The following DNAH2 variants were observed in gnomAD, a reference collection of about 807,000 sequenced individuals.
DNAH2 encodes the protein dynein axonemal heavy chain 2.
In DNAH2, 323 loss-of-function variants were observed where a neutral mutation model predicts 523.5. That is an observed-to-expected ratio of 0.62 (90% CI 0.56 to 0.68). The LOEUF is 0.68. Ranked by LOEUF, DNAH2 falls within the 30% of genes least tolerant of loss-of-function variation. The pLI, the probability that DNAH2 is intolerant of heterozygous loss-of-function variation, is 0.00. For synonymous variants in DNAH2, 2,093 were observed against 2,177.4 expected, an observed-to-expected ratio of 0.96 and a Z score of 1.08; for missense variants, 4,907 against 5,701.5, an observed-to-expected ratio of 0.86 and a Z score of 4.49.
At position 7,798,552 on chromosome 17, in the gene DNAH2, G is replaced by A. The variant is rs553740833; in HGVS notation, c.8399-6G>A. 14 of 1,613,686 alleles carry A rather than the reference G, an allele frequency of 8.7e-6. No individual in the cohort carries two copies. Among genetic ancestry groups the A allele is most frequent in the East Asian group, 2.2e-5 (1 of 44,870 alleles). On this transcript the variant is annotated splice_region_variant and splice_polypyrimidine_tract_variant and intron_variant, in intron 54 of 85. Transcript: ENST00000572933. This position sits in a 1 kb window ranked among gnomAD's most constrained non-coding sequence, Gnocchi z 5.5. The stretch of plus-strand genomic sequence containing the variant: ...TGAGTTTGTCCTCCTTCCCTCCCCC[G>A]GCCAGATATCAAGCGTCTGTATCGC...
rs762273934 is a variant in DNAH2, at chr17:7,759,459, A to G, written c.2486A>G (p.Asp829Gly). 1.2e-4 allele frequency: 201 copies of G among 1,613,812 alleles called. No homozygotes were observed. The highest frequency in any genetic ancestry group is 1.6e-4 in the Non-Finnish European group (194 of 1,179,938). Residue 829 changes from aspartate to glycine, a missense_variant, in exon 16 of 86, where the codon GAC (aspartate) becomes GGC (glycine). Asp to Gly is a moderately conservative substitution (Grantham distance 94). This residue lies in a region of DNAH2 where 2,806 missense variants were observed against 3,190.8 expected (regional missense o/e 0.88). Transcript: ENST00000572933. ...QQWMLYMIRL[D>G]RMMEDALRLN... is the part of the protein sequence containing the mutation. ...TGGATGCTGTACATGATTCGGCTGGACCGCATGATGGAGGATGCCCTGCGC... is the reference window on the plus strand; with the variant it reads ...TGGATGCTGTACATGATTCGGCTGGGCCGCATGATGGAGGATGCCCTGCGC...
At chr17:7,765,609 G>C (rs1390576642) in intron 21 of DNAH2, 44 bp downstream of exon 21, 2 of 1,575,470 alleles carry the variant, frequency 1.3e-6, no homozygotes, top group South Asian at 2.4e-5. Context: ...CCTTTGTTTA[G>C]AGACCCCGCC....
At chr17:7,732,507 G>T (rs368612486) in intron 4 of DNAH2, among the ~76,000 whole-genome samples, 5 of 151,480 alleles carry the variant, frequency 3.3e-5, no homozygotes, top group African/African-American at 1.2e-4. Flanking sequence ...CGAAACAGGT[G>T]AGTCTGATAT....
At position 7,830,288 on chromosome 17, in the gene DNAH2, C is replaced by A. The variant is rs1316847774; in HGVS notation, c.11854-12C>A. On this transcript the variant is annotated splice_polypyrimidine_tract_variant and intron_variant, in intron 77 of 85. Coordinates refer to ENST00000572933, the MANE Select transcript of DNAH2 (RefSeq NM_020877.5). ...TGCATGTCACCCCATCTTTATATTTCATTGTCCCCAGGGCCTAAAGGCCAA... is the reference window on the plus strand; with the variant it reads ...TGCATGTCACCCCATCTTTATATTTAATTGTCCCCAGGGCCTAAAGGCCAA... 1.2e-6 allele frequency: 2 copies of A among 1,609,834 alleles called. No homozygotes were observed. Among genetic ancestry groups the A allele is most frequent in the Admixed American group, 1.7e-5 (1 of 59,720 alleles).
chr17:7,749,140 C>T lies in DNAH2; in HGVS notation c.1904+5998C>T, dbSNP rs1899661805. On this transcript the variant is annotated intron_variant, in intron 12 of 85. Coordinates refer to ENST00000572933, the MANE Select transcript of DNAH2 (RefSeq NM_020877.5). Reference sequence around the variant, plus strand: ...CCTGACCAACATGGAGATACCCTGTCTCTACTAAAAATACAAAATTAGCCG... The same window carrying T: ...CCTGACCAACATGGAGATACCCTGTTTCTACTAAAAATACAAAATTAGCCG... Among the ~76,000 whole-genome samples the T allele has an allele frequency of 2.0e-5, 3 of 150,344 alleles. 1 individual carries two copies. The South Asian group carries it at 6.3e-4, about 32-fold the overall frequency.
Position 7,734,488 on chromosome 17 carries a change from C to T in DNAH2, c.758C>T (p.Thr253Ile). The change falls in exon 7 of 86, where the codon ACC becomes ATC. Residue 253 changes from threonine (T) to isoleucine (I), a missense_variant. By Grantham distance (89) the Thr-to-Ile change is moderately conservative. Coordinates refer to ENST00000572933, the MANE Select transcript of DNAH2 (RefSeq NM_020877.5). The stretch of plus-strand genomic sequence containing the variant: ...CCTGCAGCCTCCATGATCCACTGGA[C>T]CCGGCAGATAAAGGAGATGCTCAGT... ...QRLETSMIHW[T>I]RQIKEMLSAQ... 2 of 1,613,768 alleles carry T rather than the reference C, an allele frequency of 1.2e-6. No homozygotes were observed. The highest frequency in any genetic ancestry group is 8.5e-7 in the Non-Finnish European group (1 of 1,179,964).
In DNAH2 at chr17:7,786,176, C is replaced by G; in HGVS notation, c.6182C>G (p.Pro2061Arg). The change falls in exon 40 of 86, where the codon CCG becomes CGG. Residue 2061 changes from proline (P) to arginine (R), a missense_variant. Around this residue, in one of 3 missense-constraint regions of DNAH2, gnomAD observed 2,806 missense variants for 3,190.8 expected, o/e 0.88. Coordinates refer to ENST00000572933, the MANE Select transcript of DNAH2 (RefSeq NM_020877.5). The surrounding 1 kb of genome is among the most constrained non-coding windows in gnomAD (Gnocchi z 7.5). The stretch of plus-strand genomic sequence containing the variant: ...CGAGACATGGGCCTGCAAAGCACGC[C>G]GTTCACCCTCACCAAGGTTTTCCAG... Reference protein sequence around the residue: ...EIRDMGLQSTPFTLTKVFQLY... With the variant: ...EIRDMGLQSTRFTLTKVFQLY... 6.2e-7 allele frequency: 1 copy of G among 1,613,988 alleles called. No homozygotes were observed. The highest frequency in any genetic ancestry group is 1.3e-5 in the African/African-American group (1 of 74,968).
chr17:7,810,063 T>C (rs1323679132), intron 63 of DNAH2, among the ~76,000 whole-genome samples: 3 of 143,814 alleles, frequency 2.1e-5, no homozygotes, highest in Admixed American at 1.4e-4. Flanking sequence ...TCTTTCTTTT[T>C]TTTCTTTTTT....
At position 7,737,048 on chromosome 17, in the gene DNAH2, C is replaced by T; in HGVS notation, c.979-19C>T. 1 of 1,605,886 alleles carries T rather than the reference C, an allele frequency of 6.2e-7. No individual in the cohort carries two copies. The highest frequency in any genetic ancestry group is 8.5e-7 in the Non-Finnish European group (1 of 1,174,136). On this transcript the variant is annotated intron_variant, in intron 7 of 85. Coordinates refer to ENST00000572933, the MANE Select transcript of DNAH2 (RefSeq NM_020877.5). ...CTTTCTAGTGCATAAATCTATTTCT[C>T]ATCTCTCTTTACTGCCAGGATGGCT... is the stretch of plus-strand genomic sequence containing the variant.
rs1354460939 is a variant in DNAH2, at chr17:7,798,787, A to G, written c.8559+69A>G. The G allele has an allele frequency of 6.4e-7, 1 of 1,553,214 alleles. No homozygotes were observed. The highest frequency in any genetic ancestry group is 1.4e-5 in the African/African-American group (1 of 73,868). Reference sequence around the variant, plus strand: ...GCCTAGCTGACCCCAGAAGGACCACAGCTCCCAGAATGTGCCACTGGCACA... The same window carrying G: ...GCCTAGCTGACCCCAGAAGGACCACGGCTCCCAGAATGTGCCACTGGCACA... On this transcript the variant is annotated intron_variant, in intron 55 of 85. Coordinates refer to ENST00000572933, the MANE Select transcript of DNAH2 (RefSeq NM_020877.5). This position sits in a 1 kb window ranked among gnomAD's most constrained non-coding sequence, Gnocchi z 5.5.
chr17:7,740,346 G>C (rs2075273795), intron 9 of DNAH2, 74 bp from the exon 10 acceptor site: 1 of 1,592,138 alleles, frequency 6.3e-7, no homozygotes. Context: ...GCAATGCATG[G>C]GATTCTTCCT....
At chr17:7,746,722 C>T (rs2075526382) in intron 12 of DNAH2, among the ~76,000 whole-genome samples, 1 of 152,086 alleles carries the variant, frequency 6.6e-6, no homozygotes, top group South Asian at 2.1e-4. Context: ...CATGGTGGCT[C>T]ATGCCTGTAA....
chr17:7,757,104 C>A lies in DNAH2; in HGVS notation c.1918C>A (p.Leu640Ile), dbSNP rs762035012. Residue 640 changes from leucine (L) to isoleucine (I), a missense_variant, in exon 13 of 86, where the codon CTC becomes ATC. Physicochemically the swap from Leu to Ile is conservative, Grantham distance 5. Coordinates refer to ENST00000572933, the MANE Select transcript of DNAH2 (RefSeq NM_020877.5). ...DVNFDKSLLI[L>I]FAEIDYWERL... ...TCTCTCTCAAAGGTCCCTTCTGATTCTCTTTGCGGAAATTGACTACTGGGA... is the reference window on the plus strand; with the variant it reads ...TCTCTCTCAAAGGTCCCTTCTGATTATCTTTGCGGAAATTGACTACTGGGA... 5.0e-6 allele frequency: 8 copies of A among 1,614,030 alleles called. No homozygotes were observed. In the South Asian group the frequency reaches 7.7e-5, roughly 16 times the overall value.
intron 77 of DNAH2, among the ~76,000 whole-genome samples, chr17:7,829,005 G>C (rs1234489673): frequency 2.0e-5 from 3 of 150,768 alleles, no homozygotes; most frequent in Non-Finnish European, 4.4e-5. Flanking sequence ...AAGTCCAAAT[G>C]GCTCAAACAT....
At position 7,759,109 on chromosome 17, in the gene DNAH2, G is replaced by A. The variant is rs773080430; in HGVS notation, c.2433G>A (p.Lys811=). The change falls in exon 15 of 86, where the codon AAG becomes AAA. Residue 811 remains lysine, a synonymous_variant. Coordinates refer to ENST00000572933, the MANE Select transcript of DNAH2 (RefSeq NM_020877.5). ...TGACCAACTCCTATGAGGTCTTCAA[G>A]AATGATGGTCCTGAGGTAGGGTTCC... The part of the protein sequence containing the change: ...TIMTNSYEVF[K]NDGPEIQQQW... 5.0e-6 allele frequency: 8 copies of A among 1,614,140 alleles called. No homozygotes were observed. In the South Asian group the frequency reaches 8.8e-5, roughly 18 times the overall value.
chr17:7,775,272 T>C lies in DNAH2; in HGVS notation c.4751T>C (p.Val1584Ala), dbSNP rs777232273. ...GGGCCCAGCAGCAAATGGGAAGCTG[T>C]GGGGATGTTCTCGGGCGACGGCGAG... ...VGGPSSKWEA[V>A]GMFSGDGEYI... Residue 1584 changes from valine (V) to alanine (A), a missense_variant, in exon 30 of 86, where the codon GTG becomes GCG. Physicochemically the swap from Val to Ala is moderately conservative, Grantham distance 64. This residue lies in a region of DNAH2 where 2,806 missense variants were observed against 3,190.8 expected (regional missense o/e 0.88). Coordinates refer to ENST00000572933, the MANE Select transcript of DNAH2 (RefSeq NM_020877.5). 1.2e-6 allele frequency: 2 copies of C among 1,613,406 alleles called. No homozygotes were observed. Among genetic ancestry groups the C allele is most frequent in the Admixed American group, 3.3e-5 (2 of 59,952 alleles).
chr17:7,790,587 A>G (rs1198677757), intron 44 of DNAH2, among the ~76,000 whole-genome samples: 1 of 152,182 alleles, frequency 6.6e-6, no homozygotes, highest in African/African-American at 2.4e-5. Context: ...TCTGAAAATA[A>G]TAATTTTTCA....
At chr17:7,778,046 C>A (rs1193242985) in intron 33 of DNAH2, 31 bp from the exon 34 acceptor site, 2 of 1,584,660 alleles carry the variant, frequency 1.3e-6, no homozygotes, top group Non-Finnish European at 1.7e-6. Flanking sequence ...TCCAAGCCCA[C>A]CTCTCTCTTT....
Position 7,786,279 on chromosome 17 carries a change from C to T in DNAH2, c.6285C>T (p.Arg2095=), listed in dbSNP as rs1353160487. The T allele has an allele frequency of 6.2e-7, 1 of 1,613,930 alleles. No homozygotes were observed. The highest frequency in any genetic ancestry group is 1.3e-5 in the African/African-American group (1 of 74,902). ...GCAGCGGCAAGACTGCCTCATGGCG[C>T]ATTCTACAGGCCTCCCTGTCCTCTC... ...CTGSGKTASW[R]ILQASLSSLC... is the part of the protein sequence containing the mutation. Residue 2095 remains arginine (R), a synonymous_variant, in exon 40 of 86, where the codon CGC becomes CGT. Coordinates refer to ENST00000572933, the MANE Select transcript of DNAH2 (RefSeq NM_020877.5). The surrounding 1 kb of genome is among the most constrained non-coding windows in gnomAD (Gnocchi z 7.5).
Sources: allele counts gnomAD v4.1 joint callset (sites outside exome capture counted in the v4.1 genomes callset), GRCh38; gene constraint gnomAD v4.1.1; regional missense constraint gnomAD v4.1.1; non-coding constraint Gnocchi (gnomAD v3.1); transcripts MANE v1.5; gene names NCBI Gene and HGNC (gene_info 2026-07-23, HGNC 2026-07-21).